ZFPM2: variants seen among roughly 807,000 people sequenced by gnomAD.
The protein encoded by ZFPM2 is zinc finger protein ZFPM2.
ZFPM2 carries 20 observed loss-of-function variants against 98.6 expected under a neutral mutation model. That is an observed-to-expected ratio of 0.20 (90% CI 0.14 to 0.29). The LOEUF (loss-of-function observed/expected upper bound fraction) is 0.29, where lower values mean the gene tolerates loss of function less well. Among genes scored for constraint, ZFPM2 ranks in the 10% least tolerant of loss-of-function variants. ZFPM2 has a pLI of 1.00. For missense variants in ZFPM2, 1,310 were observed against 1,388.6 expected (o/e 0.94, Z 0.90); for synonymous variants, 518 against 502.7 (o/e 1.03, Z -0.41).
At position 105,500,295 on chromosome 8, in the gene ZFPM2, C is replaced by CT. The variant is rs541203655; in HGVS notation, c.301+55922dup. ...GACTTTAGAAATTATCGATACAATACTTTTTTTTAAACGTAAGATAAGGAA... is the reference window on the plus strand; with the variant it reads ...GACTTTAGAAATTATCGATACAATACTTTTTTTTTAAACGTAAGATAAGGAA... On this transcript the variant is annotated intron_variant, in intron 3 of 7. Transcript: ENST00000407775. Among the ~76,000 whole-genome samples, 514 of 152,016 alleles carry CT rather than the reference C, an allele frequency of 3.4e-3. 4 individuals are homozygous for CT. The highest frequency in any genetic ancestry group is 0.012 in the African/African-American group (497 of 41,480).
In ZFPM2 at chr8:105,691,393, C is replaced by T. The variant is rs1222514628; in HGVS notation, c.532+57036C>T. ...CCTCCCGAGTAGCCGGGACTACGGG[C>T]GCCCGCCACCGCGCCCGGCTAATTT... On this transcript the variant is annotated intron_variant, in intron 5 of 7. Transcript: ENST00000407775. 1.4e-4 allele frequency among the ~76,000 whole-genome samples: 20 copies of T among 143,076 alleles called. 2 individuals are homozygous for T. Among genetic ancestry groups the T allele is most frequent in the African/African-American group, 3.0e-4 (11 of 37,078 alleles). 93.9% of individuals were successfully genotyped at this position (143,076 alleles called of 152,430 possible).
intron 3 of ZFPM2, among the ~76,000 whole-genome samples, chr8:105,557,343 C>T (rs558120484): frequency 2.6e-5 from 4 of 152,258 alleles, no homozygotes; most frequent in East Asian, 3.9e-4. Context: ...TTCTGGGCCC[C>T]AGGCCTATAC....
intron 5 of ZFPM2, among the ~76,000 whole-genome samples, chr8:105,683,139 A>G (rs1810647485): frequency 6.6e-6 from 1 of 151,952 alleles, no homozygotes; most frequent in African/African-American, 2.4e-5. Context: ...TCCCTTCTGA[A>G]GGCCCTACCT....
intron 3 of ZFPM2, among the ~76,000 whole-genome samples, chr8:105,490,107 C>T (rs1213413584): frequency 2.6e-5 from 4 of 151,902 alleles, no homozygotes; most frequent in East Asian, 1.9e-4. Flanking sequence ...ATTAGCTGGG[C>T]GTGGTGGCGG....
rs142151529 is a variant in ZFPM2, at chr8:105,615,646, T to G, written c.421-18600T>G. On this transcript the variant is annotated intron_variant, in intron 4 of 7. Coordinates refer to ENST00000407775, the MANE Select transcript of ZFPM2 (RefSeq NM_012082.4). Reference sequence around the variant, plus strand: ...AAAGCAAGCAAAGATTTTAAAAGGCTGAGAAACACTGGAGAAGTCTGTTTC... The same window carrying G: ...AAAGCAAGCAAAGATTTTAAAAGGCGGAGAAACACTGGAGAAGTCTGTTTC... 3.9e-5 allele frequency among the ~76,000 whole-genome samples: 6 copies of G among 152,252 alleles called. No individual in the cohort carries two copies. The East Asian group carries it at 1.2e-3, about 29-fold the overall frequency.
chr8:105,404,907 C>T (rs974842489), intron 1 of ZFPM2, among the ~76,000 whole-genome samples: 2 of 151,978 alleles, frequency 1.3e-5, no homozygotes, highest in Non-Finnish European at 2.9e-5. Flanking sequence ...ATTTCCAGAA[C>T]CTAATTTAGA....
intron 4 of ZFPM2, among the ~76,000 whole-genome samples, chr8:105,562,974 A>T (rs1815171370): frequency 6.6e-6 from 1 of 152,234 alleles, no homozygotes; most frequent in Non-Finnish European, 1.5e-5. Flanking sequence ...AACACAGGTG[A>T]TGAAATTTGG....
intron 4 of ZFPM2, among the ~76,000 whole-genome samples, chr8:105,599,827 G>A (rs1054231344): frequency 6.6e-6 from 1 of 152,194 alleles, no homozygotes; most frequent in East Asian, 1.9e-4. Context: ...TGGTGGAAAA[G>A]GCTTTCACTT....
At chr8:105,475,774 T>C (rs890108364) in intron 3 of ZFPM2, among the ~76,000 whole-genome samples, 9 of 152,230 alleles carry the variant, frequency 5.9e-5, no homozygotes, top group Admixed American at 2.0e-4. Flanking sequence ...CATTAACTTA[T>C]TGATATAGAG....
intron 5 of ZFPM2, among the ~76,000 whole-genome samples, chr8:105,759,016 TTATAAAG>T (rs1304004771): frequency 2.6e-5 from 4 of 152,024 alleles, no homozygotes; most frequent in African/African-American, 7.2e-5. Context: ...GTAGGTGGAG[TTATAAAG>T]TATTTGCTGA....
chr8:105,803,404 GTGAA>G lies in ZFPM2; in HGVS notation c.3325_3328del (p.Asn1109ValfsTer26). The G allele has an allele frequency of 5.0e-6, 8 of 1,613,856 alleles. No homozygotes were observed. The highest frequency in any genetic ancestry group is 6.8e-6 in the Non-Finnish European group (8 of 1,179,824). ...ACAGTTGTCTAGTATAGCAAAAGGT[GTGAA>G]TGGTTCCAGCCAGGCTCCAACCAGT... On this transcript the variant is annotated frameshift_variant, in exon 8 of 8. Transcript: ENST00000407775. LOFTEE classifies it high-confidence loss of function.
At chr8:105,403,851 A>G (rs975123346) in intron 1 of ZFPM2, among the ~76,000 whole-genome samples, 3 of 151,990 alleles carry the variant, frequency 2.0e-5, no homozygotes, top group African/African-American at 4.8e-5. Context: ...AGGCACAGAT[A>G]GATACTCAGT....
chr8:105,788,798 A>G lies in ZFPM2; in HGVS notation c.613A>G (p.Arg205Gly). ...LIAFVVDFDS[R>G]LQAASQMTLT... is the part of the protein sequence containing the mutation. ...TGCCTTTGTGGTGGATTTTGACTCA[A>G]GGCTACAAGCTGCCAGTCAGATGAC... Residue 205 changes from arginine to glycine, a missense_variant, in exon 6 of 8, where the codon AGG (arginine) becomes GGG (glycine). By Grantham distance (125) the Arg-to-Gly change is moderately radical (BLOSUM62 -2). Transcript: ENST00000407775. The G allele has an allele frequency of 6.2e-7, 1 of 1,614,010 alleles. No individual in the cohort carries two copies. Among genetic ancestry groups the G allele is most frequent in the South Asian group, 1.1e-5 (1 of 91,082 alleles).
chr8:105,548,126 T>C (rs1395755501), intron 3 of ZFPM2, among the ~76,000 whole-genome samples: 4 of 152,084 alleles, frequency 2.6e-5, no homozygotes, highest in South Asian at 2.1e-4. Context: ...CTTCACCAAG[T>C]AGATCATAGG....
intron 7 of ZFPM2, among the ~76,000 whole-genome samples, chr8:105,800,548 A>ATGGTT (rs1366753290): frequency 1.3e-5 from 2 of 152,098 alleles, no homozygotes; most frequent in East Asian, 3.9e-4. Flanking sequence ...ACTTTACAAA[A>ATGGTT]TGGTTTCTAT....
At chr8:105,708,422 G>A (rs1036027321) in intron 5 of ZFPM2, among the ~76,000 whole-genome samples, 1 of 151,616 alleles carries the variant, frequency 6.6e-6, no homozygotes, top group Admixed American at 6.6e-5. Context: ...TTGGGGTTTC[G>A]TTGCCATTGT....
At chr8:105,511,833 A>G (rs116236241) in intron 3 of ZFPM2, among the ~76,000 whole-genome samples, 339 of 152,286 alleles carry the variant, frequency 2.2e-3, no homozygotes, top group African/African-American at 7.8e-3. Flanking sequence ...ATGGTACTCA[A>G]GAGTGAACTT....
chr8:105,366,509 TTTATTA>T (rs929323267), intron 1 of ZFPM2, among the ~76,000 whole-genome samples: 2 of 151,826 alleles, frequency 1.3e-5, no homozygotes, highest in Admixed American at 6.6e-5. Context: ...ATTTTTTTCA[TTTATTA>T]TTATTATTAT....
intron 1 of ZFPM2, among the ~76,000 whole-genome samples, chr8:105,416,732 ATTATT>A (rs1291585251): frequency 3.9e-5 from 6 of 151,926 alleles, no homozygotes; most frequent in South Asian, 2.1e-4. Flanking sequence ...AATAATAGTA[ATTATT>A]TTATTTTTGA....
Sources: allele counts gnomAD v4.1 joint callset (sites outside exome capture counted in the v4.1 genomes callset), GRCh38; gene constraint gnomAD v4.1.1; transcripts MANE v1.5; gene names NCBI Gene and HGNC (gene_info 2026-07-23, HGNC 2026-07-21).